CCNY: variants seen among roughly 807,000 people sequenced by gnomAD.
The protein encoded by CCNY is cyclin Y, also known as cyclin-Y.
In CCNY, 19 loss-of-function variants were observed where a neutral mutation model predicts 42.8. The ratio of observed to expected loss-of-function variants is 0.44; its 90% CI spans 0.31 to 0.65. CCNY has a LOEUF of 0.65. CCNY is among the 30% of genes least tolerant of loss of function. The probability of loss-of-function intolerance (pLI) is 0.07; values close to 1 mark genes in which losing one functional copy is unlikely to be tolerated. For missense variants in CCNY, 370 were observed against 437.3 expected (o/e 0.85, Z 1.37); for synonymous variants, 165 against 162.7 (o/e 1.01, Z -0.11).
At position 35,571,931 on chromosome 10, in the gene CCNY, G is replaced by A. The variant is rs967174390; in HGVS notation, c.*2761G>A. On this transcript the variant is annotated 3_prime_UTR_variant, in exon 10 of 10. Coordinates refer to ENST00000374704, the MANE Select transcript of CCNY (RefSeq NM_145012.6). ...CATTGGGACAATAAATATATATCCC[G>A]ATGAATCTTTTTGATTTGTTTTACT... The A allele has an allele frequency of 3.3e-5, 5 of 151,590 alleles. No individual in the cohort carries two copies. Among genetic ancestry groups the A allele is most frequent in the African/African-American group, 9.7e-5 (4 of 41,240 alleles). The allele number at this position is 151,590 out of a possible 1,614,324, so 9.4% of individuals were successfully genotyped here. A position where few individuals can be genotyped will look rare whatever the true frequency, so the allele number is the denominator to read the frequency against.
intron 1 of CCNY, among the ~76,000 whole-genome samples, chr10:35,411,148 C>A (rs1306087123): frequency 6.6e-6 from 1 of 152,102 alleles, no homozygotes; most frequent in Non-Finnish European, 1.5e-5. Context: ...TTTCTCAAAT[C>A]TGAAACACAA....
chr10:35,305,649 T>C (rs1010088378), intron 3 of CCNY, among the ~76,000 whole-genome samples: 2 of 152,214 alleles, frequency 1.3e-5, no homozygotes, highest in Non-Finnish European at 2.9e-5. Flanking sequence ...TCCTTATTTT[T>C]ACCCCTGCAA....
At chr10:35,268,520 C>A (rs1271476902) in intron 3 of CCNY, among the ~76,000 whole-genome samples, 1 of 152,116 alleles carries the variant, frequency 6.6e-6, no homozygotes, top group Non-Finnish European at 1.5e-5. Flanking sequence ...CTCTCCCAAG[C>A]TGGTATTGTG....
intron 3 of CCNY, among the ~76,000 whole-genome samples, chr10:35,257,876 G>A (rs1565054416): frequency 6.6e-6 from 1 of 152,020 alleles, no homozygotes; most frequent in Non-Finnish European, 1.5e-5. Flanking sequence ...ATGTATGTTG[G>A]TCTACTTGGT....
chr10:35,353,371 T>C (rs1836468927), intron 1 of CCNY, among the ~76,000 whole-genome samples: 1 of 152,270 alleles, frequency 6.6e-6, no homozygotes, highest in Non-Finnish European at 1.5e-5. Context: ...TGGAGTTTCA[T>C]GTATATTTTT....
At chr10:35,526,287 A>C (rs1410311979) in intron 5 of CCNY, among the ~76,000 whole-genome samples, 1 of 152,196 alleles carries the variant, frequency 6.6e-6, no homozygotes, top group Admixed American at 6.5e-5. Flanking sequence ...ATTTGTTGAA[A>C]CATTCTGTCT....
At chr10:35,418,975 C>T (rs754524210) in intron 1 of CCNY, among the ~76,000 whole-genome samples, 18 of 152,114 alleles carry the variant, frequency 1.2e-4, no homozygotes, top group Non-Finnish European at 2.6e-4. Context: ...CACGCGCCAC[C>T]ACACCCAGCT....
chr10:35,461,496 G>A (rs1371727604), intron 1 of CCNY, among the ~76,000 whole-genome samples: 7 of 152,138 alleles, frequency 4.6e-5, no homozygotes, highest in Admixed American at 1.3e-4. Flanking sequence ...ATTAGATGTC[G>A]AGGGTCAGGG....
At chr10:35,518,476 G>T (rs1264674432) in intron 4 of CCNY, among the ~76,000 whole-genome samples, 1 of 150,720 alleles carries the variant, frequency 6.6e-6, no homozygotes, top group Admixed American at 6.6e-5. Context: ...ATCTGGCTGA[G>T]GCATACTGTG....
chr10:35,556,907 G>T (rs548343379), intron 8 of CCNY, among the ~76,000 whole-genome samples: 5 of 150,732 alleles, frequency 3.3e-5, no homozygotes, highest in Non-Finnish European at 5.9e-5. Context: ...GTCCAATGGC[G>T]TGATCTTGGC....
chr10:35,565,890 G>T, intron 8 of CCNY, 133 bp from the exon 9 acceptor site: 1 of 876,154 alleles, frequency 1.1e-6, no homozygotes. Flanking sequence ...GGTCTAACCA[G>T]ACATTTACTT....
intron 7 of CCNY, among the ~76,000 whole-genome samples, chr10:35,531,471 A>G (rs1840769676): frequency 6.6e-6 from 1 of 152,238 alleles, no homozygotes; most frequent in Non-Finnish European, 1.5e-5. Flanking sequence ...TCAAGTAATC[A>G]TTAGATGATT....
At chr10:35,406,862 A>ACCC (rs1331279530) in intron 1 of CCNY, among the ~76,000 whole-genome samples, 10 of 139,910 alleles carry the variant, frequency 7.1e-5, no homozygotes, top group African/African-American at 2.7e-4. Flanking sequence ...CGGGGGGCTG[A>ACCC]CCCCCCCCCA....
chr10:35,552,979 A>C (rs372523169), intron 7 of CCNY, 40 bp from the exon 8 acceptor site: 1 of 1,595,046 alleles, frequency 6.3e-7, no homozygotes, highest in Non-Finnish European at 8.6e-7. Flanking sequence ...GTTTAGGAGA[A>C]AACAAATCAC....
intron 3 of CCNY, among the ~76,000 whole-genome samples, chr10:35,510,968 G>A (rs1007217450): frequency 6.6e-6 from 1 of 152,206 alleles, no homozygotes; most frequent in Non-Finnish European, 1.5e-5. Context: ...CTCCTGCCCT[G>A]CCTGTCTGGA....
chr10:35,441,625 G>A (rs934112730), intron 1 of CCNY, among the ~76,000 whole-genome samples: 1 of 152,184 alleles, frequency 6.6e-6, no homozygotes, highest in Non-Finnish European at 1.5e-5. Context: ...GTGTGTGCCT[G>A]TAGTCCTAGC....
At chr10:35,424,267 C>T (rs1243259036) in intron 1 of CCNY, among the ~76,000 whole-genome samples, 1 of 152,178 alleles carries the variant, frequency 6.6e-6, no homozygotes, top group Non-Finnish European at 1.5e-5. Context: ...ACTCTTGTTG[C>T]CCAGGCTGGA....
intron 3 of CCNY, among the ~76,000 whole-genome samples, chr10:35,301,410 T>C (rs996589229): frequency 9.9e-5 from 15 of 152,136 alleles, no homozygotes; most frequent in African/African-American, 3.4e-4. Context: ...ATAATAGAAT[T>C]GTTTATATCC....
At chr10:35,465,596 T>A (rs1839242431) in intron 1 of CCNY, among the ~76,000 whole-genome samples, 1 of 151,998 alleles carries the variant, frequency 6.6e-6, no homozygotes, top group Non-Finnish European at 1.5e-5. Context: ...GAATCCACCT[T>A]GCATGCTTTC....
Sources: gnomAD v4.1 joint callset for allele counts (sites outside exome capture counted in the v4.1 genomes callset) on GRCh38, gnomAD v4.1.1 for gene constraint, MANE v1.5 for transcripts, NCBI Gene and HGNC (gene_info 2026-07-23, HGNC 2026-07-21) for gene names.